The following LINGO2 variants were observed in gnomAD, a reference collection of about 807,000 sequenced individuals.
LINGO2 encodes the protein leucine rich repeat and Ig domain containing 2, also known as leucine-rich repeat and immunoglobulin-like domain-containing nogo receptor-interacting protein 2.
A neutral mutation model predicts 30.6 loss-of-function variants in LINGO2; 14 were observed. The observed-to-expected ratio is 0.46, with a 90% CI of 0.30 to 0.72. The LOEUF is 0.72. Among genes scored for constraint, LINGO2 ranks in the 30% least tolerant of loss-of-function variants. The pLI, the probability that LINGO2 is intolerant of heterozygous loss-of-function variation, is 0.07. For missense variants in LINGO2, 729 were observed against 751.7 expected, an observed-to-expected ratio of 0.97 and a Z score of 0.35; for synonymous variants, 317 against 288.5, an observed-to-expected ratio of 1.10 and a Z score of -1.00.
At chr9:28,228,779 T>G (rs1821257622) in intron 4 of LINGO2, among the ~76,000 whole-genome samples, 1 of 151,672 alleles carries the variant, frequency 6.6e-6, no homozygotes, top group Non-Finnish European at 1.5e-5. Flanking sequence ...AAATAATACT[T>G]TAATATAATA....
chr9:28,789,707 C>T, the LINGO2 span, among the ~76,000 whole-genome samples: 2 of 152,116 alleles, frequency 1.3e-5, no homozygotes, highest in Non-Finnish European at 2.9e-5. Flanking sequence ...AGAGAAAACA[C>T]AAATGAGAAA....
chr9:28,636,953 A>C (rs1311116396), intron 1 of LINGO2, among the ~76,000 whole-genome samples: 1 of 152,104 alleles, frequency 6.6e-6, no homozygotes. Context: ...TTATGGTTTT[A>C]GGTCTAACAT....
At chr9:28,281,265 T>C (rs1352336813) in intron 4 of LINGO2, among the ~76,000 whole-genome samples, 2 of 152,110 alleles carry the variant, frequency 1.3e-5, no homozygotes, top group Non-Finnish European at 1.5e-5. Context: ...TTGGGAATAC[T>C]GGCAAAGAAA....
the LINGO2 span, among the ~76,000 whole-genome samples, chr9:28,727,406 C>T: frequency 1.3e-5 from 2 of 152,064 alleles, no homozygotes; most frequent in Non-Finnish European, 2.9e-5. Flanking sequence ...CTGCCTCAGC[C>T]TCCCGAGTAG....
intron 4 of LINGO2, among the ~76,000 whole-genome samples, chr9:28,074,789 A>C (rs536049396): frequency 9.9e-5 from 15 of 152,236 alleles, no homozygotes; most frequent in Non-Finnish European, 7.4e-5. Flanking sequence ...TTAAACTTTT[A>C]CTAAAAGAAG....
the LINGO2 span, among the ~76,000 whole-genome samples, chr9:28,735,447 C>T: frequency 1.3e-5 from 2 of 152,070 alleles, no homozygotes; most frequent in Non-Finnish European, 2.9e-5. Flanking sequence ...TATCCTTTCT[C>T]CTTTTAAGTA....
At chr9:28,512,284 G>T (rs1331064038) in intron 1 of LINGO2, among the ~76,000 whole-genome samples, 1 of 151,894 alleles carries the variant, frequency 6.6e-6, no homozygotes, top group East Asian at 2.0e-4. Flanking sequence ...CCAGTAACAG[G>T]CCAGGAGCTG....
the LINGO2 span, among the ~76,000 whole-genome samples, chr9:29,084,507 T>C: frequency 0.2 from 29,989 of 151,918 alleles, 3,095 homozygotes; most frequent in African/African-American, 0.24. Context: ...TAAAATACAA[T>C]AAAGTCATTA....
chr9:29,041,186 G>T, the LINGO2 span, among the ~76,000 whole-genome samples: 1 of 151,936 alleles, frequency 6.6e-6, no homozygotes, highest in Non-Finnish European at 1.5e-5. Flanking sequence ...TATGCATCAA[G>T]ATTTAAATAA....
chr9:29,095,353 T>C, the LINGO2 span, among the ~76,000 whole-genome samples: 1 of 138,312 alleles, frequency 7.2e-6, no homozygotes, highest in Admixed American at 7.4e-5. Flanking sequence ...ATCGCTTTTA[T>C]ATAACAAGTC....
chr9:28,440,370 C>A (rs532143543), intron 2 of LINGO2, among the ~76,000 whole-genome samples: 1 of 152,144 alleles, frequency 6.6e-6, no homozygotes, highest in South Asian at 2.1e-4. Flanking sequence ...AGGGCAGACA[C>A]AAGACATTTA....
chr9:29,180,527 T>A, the LINGO2 span, among the ~76,000 whole-genome samples: 1 of 152,110 alleles, frequency 6.6e-6, no homozygotes, highest in Non-Finnish European at 1.5e-5. Context: ...ATCCTATATG[T>A]CTCTCCTGCA....
chr9:28,219,104 C>G (rs927783525), intron 4 of LINGO2, among the ~76,000 whole-genome samples: 1 of 152,120 alleles, frequency 6.6e-6, no homozygotes, highest in Non-Finnish European at 1.5e-5. Flanking sequence ...AGAACCAGGA[C>G]AACTTGACCC....
the LINGO2 span, among the ~76,000 whole-genome samples, chr9:28,831,828 T>C: frequency 6.6e-6 from 1 of 152,154 alleles, no homozygotes; most frequent in Non-Finnish European, 1.5e-5. Context: ...AACTTTTGTT[T>C]GTTTTGTTTT....
At chr9:28,412,767 A>C (rs1290278753) in intron 2 of LINGO2, among the ~76,000 whole-genome samples, 1 of 152,098 alleles carries the variant, frequency 6.6e-6, no homozygotes, top group African/African-American at 2.4e-5. Context: ...AAGAAATCTA[A>C]ATTTCATAAT....
At chr9:28,388,687 C>G (rs930069626) in intron 2 of LINGO2, among the ~76,000 whole-genome samples, 1 of 152,094 alleles carries the variant, frequency 6.6e-6, no homozygotes, top group East Asian at 1.9e-4. Context: ...TGTGGTATGC[C>G]TATTTATGGT....
chr9:28,172,347 C>T (rs1828626250), intron 4 of LINGO2, among the ~76,000 whole-genome samples: 3 of 150,218 alleles, frequency 2.0e-5, no homozygotes, highest in South Asian at 2.1e-4. Context: ...GCCGAGATCC[C>T]GCCACTGCAC....
chr9:28,756,868 T>G, the LINGO2 span, among the ~76,000 whole-genome samples: 1 of 151,966 alleles, frequency 6.6e-6, no homozygotes, highest in Non-Finnish European at 1.5e-5. Context: ...ACCTCTTTTT[T>G]TTTTCTTCGA....
intron 1 of LINGO2, among the ~76,000 whole-genome samples, chr9:28,624,768 T>C (rs1826582740): frequency 6.6e-6 from 1 of 151,652 alleles, no homozygotes; most frequent in South Asian, 2.1e-4. Flanking sequence ...TCTAGAAATG[T>C]CATCTGGGAA....
Sources: allele counts gnomAD v4.1 joint callset (sites outside exome capture counted in the v4.1 genomes callset), GRCh38; gene constraint gnomAD v4.1.1; transcripts MANE v1.5; gene names NCBI Gene and HGNC (gene_info 2026-07-23, HGNC 2026-07-21).